Variants in AAMDC observed in about 807,000 individuals in gnomAD.
AAMDC encodes mth938 domain-containing protein.
AAMDC carries 16 observed loss-of-function variants against 15.5 expected under a neutral mutation model. That is an observed-to-expected ratio of 1.03 (90% CI 0.70 to 1.57). The LOEUF is 1.57. Among genes scored for constraint, AAMDC ranks in the 40% most tolerant of loss-of-function variants. The pLI is 0.00. For synonymous variants in AAMDC, 51 were observed against 51.6 expected (o/e 0.99, Z 0.05); for missense variants, 141 against 144.9 (o/e 0.97, Z 0.14).
intron 2 of AAMDC, chr11:77,866,284 CAAT>C (rs1482981789): frequency 1.3e-5 from 2 of 152,094 alleles, no homozygotes; most frequent in African/African-American, 4.8e-5. Context: ...GCAGAAAAAA[CAAT>C]AAGCTTTTAC....
intron 5 of AAMDC, among the ~76,000 whole-genome samples, chr11:77,890,555 G>A (rs1327292547): frequency 1.3e-5 from 2 of 151,994 alleles, no homozygotes; most frequent in African/African-American, 2.4e-5. Flanking sequence ...TTTTTTAGGA[G>A]ACAGTCTAGG....
chr11:77,843,219 T>C (rs896963761), intron 2 of AAMDC, among the ~76,000 whole-genome samples: 8 of 152,194 alleles, frequency 5.3e-5, no homozygotes, highest in African/African-American at 1.9e-4. Context: ...AACCATCTTA[T>C]TAGGTGTGAA....
At chr11:77,889,774 T>TG (rs1952183292) in intron 5 of AAMDC, among the ~76,000 whole-genome samples, 1 of 152,162 alleles carries the variant, frequency 6.6e-6, no homozygotes, top group African/African-American at 2.4e-5. Flanking sequence ...TGTCCCACGA[T>TG]GGGGCAGTGA....
At chr11:77,844,517 C>A (rs1950063403) in intron 2 of AAMDC, among the ~76,000 whole-genome samples, 1 of 152,064 alleles carries the variant, frequency 6.6e-6, no homozygotes, top group African/African-American at 2.4e-5. Flanking sequence ...CATGCAATCA[C>A]ACCTGGCTTA....
At chr11:77,852,735 T>C (rs1304403042) in intron 2 of AAMDC, among the ~76,000 whole-genome samples, 1 of 152,114 alleles carries the variant, frequency 6.6e-6, no homozygotes, top group African/African-American at 2.4e-5. Flanking sequence ...AATAAGCAAA[T>C]ACAAAAATAC....
At chr11:77,841,074 T>G in intron 1 of AAMDC, 1 of 637,938 alleles carries the variant, frequency 1.6e-6, no homozygotes, top group Non-Finnish European at 2.9e-6. Context: ...AGAGCCTTCT[T>G]GCTGCATCAT....
At chr11:77,829,535 CT>C (rs1949325900) in intron 1 of AAMDC, 1 of 152,024 alleles carries the variant, frequency 6.6e-6, no homozygotes, top group African/African-American at 2.4e-5. Context: ...ACAAATGATG[CT>C]GAGAAAACTG....
chr11:77,879,799 C>G (rs1401478159), intron 5 of AAMDC, among the ~76,000 whole-genome samples: 1 of 152,136 alleles, frequency 6.6e-6, no homozygotes, highest in Admixed American at 6.5e-5. Flanking sequence ...ACAACACACG[C>G]TCTAACCAAG....
chr11:77,879,242 G>A (rs1270363951), intron 5 of AAMDC: 7 of 1,094,794 alleles, frequency 6.4e-6, no homozygotes, highest in Admixed American at 2.3e-5. Context: ...TTCTTCATCC[G>A]TCTACATTCC....
At chr11:77,835,412 T>C (rs992216280) in intron 1 of AAMDC, among the ~76,000 whole-genome samples, 1 of 152,170 alleles carries the variant, frequency 6.6e-6, no homozygotes, top group African/African-American at 2.4e-5. Context: ...GTATGTTGAC[T>C]ACCTCCAGAC....
chr11:77,826,996 G>A (rs974681623), intron 1 of AAMDC, among the ~76,000 whole-genome samples: 12 of 151,832 alleles, frequency 7.9e-5, no homozygotes, highest in Non-Finnish European at 1.2e-4. Flanking sequence ...TCCCTGCTAC[G>A]CAGGAGGCTG....
Position 77,891,633 on chromosome 11 carries a change from T to C in AAMDC, c.329-8938T>C. Reference sequence around the variant, plus strand: ...AAGAAGATCACCAAGGTAAAGATTTTTGACCGTCTGGACAGATTTGGCCTA... The same window carrying C: ...AAGAAGATCACCAAGGTAAAGATTTCTGACCGTCTGGACAGATTTGGCCTA... On this transcript the variant is annotated intron_variant, in intron 5 of 5. Coordinates refer to the AAMDC transcript ENST00000304716. 2.5e-6 allele frequency: 4 copies of C among 1,594,086 alleles called. No individual in the cohort carries two copies. The South Asian group carries it at 4.6e-5, about 18-fold the overall frequency.
At chr11:77,895,984 G>T (rs1591023406) in intron 5 of AAMDC, among the ~76,000 whole-genome samples, 1 of 152,290 alleles carries the variant, frequency 6.6e-6, no homozygotes, top group African/African-American at 2.4e-5. Flanking sequence ...GACTTTCATT[G>T]TAAGTAGGCA....
intron 5 of AAMDC, chr11:77,883,696 TA>T: frequency 1.1e-6 from 1 of 946,788 alleles, no homozygotes. Context: ...TGAGTGCTTA[TA>T]AACTCATTAA....
chr11:77,865,737 A>G (rs1290100471), intron 2 of AAMDC, among the ~76,000 whole-genome samples: 1 of 152,222 alleles, frequency 6.6e-6, no homozygotes, highest in Non-Finnish European at 1.5e-5. Context: ...ACTAATAAAG[A>G]AGCACATATA....
At chr11:77,829,346 T>G (rs1318523465) in intron 1 of AAMDC, among the ~76,000 whole-genome samples, 1 of 152,190 alleles carries the variant, frequency 6.6e-6, no homozygotes, top group Non-Finnish European at 1.5e-5. Flanking sequence ...GAAAAATAAA[T>G]TTTTGTTGTT....
downstream of AAMDC, among the ~76,000 whole-genome samples, chr11:77,875,041 CAA>C (rs397791397): frequency 9.1e-5 from 11 of 120,898 alleles, no homozygotes; most frequent in Non-Finnish European, 9.1e-5. Flanking sequence ...GACTCCATCT[CAA>C]AAAAAAAAAA....
chr11:77,888,417 A>C (rs1348487278), intron 5 of AAMDC, among the ~76,000 whole-genome samples: 1 of 152,256 alleles, frequency 6.6e-6, no homozygotes, highest in Non-Finnish European at 1.5e-5. Context: ...TTATACAAAA[A>C]TTAATTCAAG....
At chr11:77,832,957 G>A (rs1006960901) in intron 1 of AAMDC, among the ~76,000 whole-genome samples, 11 of 12,090 alleles carry the variant, frequency 9.1e-4, no homozygotes, top group African/African-American at 8.9e-3. Context: ...ATATATGTGT[G>A]TGTGTGTGTG....
Sources: allele counts gnomAD v4.1 joint callset (sites outside exome capture counted in the v4.1 genomes callset), GRCh38; gene constraint gnomAD v4.1.1; transcripts MANE v1.5; gene names NCBI Gene and HGNC (gene_info 2026-07-23, HGNC 2026-07-21).